LILRB5: variants seen among roughly 807,000 people sequenced by gnomAD.
The protein encoded by LILRB5 is leukocyte immunoglobulin-like receptor subfamily B member 5.
Under a neutral mutation model 68.4 loss-of-function variants are expected in LILRB5, and 61 were observed. The ratio of observed to expected loss-of-function variants is 0.89; its 90% CI spans 0.73 to 1.10. The LOEUF (loss-of-function observed/expected upper bound fraction) is 1.10, where lower values mean the gene tolerates loss of function less well. Ranked by LOEUF, LILRB5 falls within the 50% of genes least tolerant of loss-of-function variation. The pLI, the probability that LILRB5 is intolerant of heterozygous loss-of-function variation, is 0.00. For missense variants in LILRB5, 771 were observed against 751.6 expected (o/e 1.03, Z -0.30); for synonymous variants, 356 against 315.8 (o/e 1.13, Z -1.35).
chr19:54,257,243 G>A lies in LILRB5; in HGVS notation c.-50C>T. On this transcript the variant is annotated 5_prime_UTR_variant, in exon 1 of 13. Transcript: ENST00000449561. The stretch of plus-strand genomic sequence containing the variant: ...CTGTGCAGGCGGATGAGACCACGGT[G>A]CCTGGCAGGACACAAAAACACGCAG... The A allele has an allele frequency of 2.5e-6, 4 of 1,612,678 alleles. No individual in the cohort carries two copies. The highest frequency in any genetic ancestry group is 3.4e-6 in the Non-Finnish European group (4 of 1,178,792).
chr19:54,254,192 C>T, intron 7 of LILRB5, 124 bp from the exon 8 acceptor site: 1 of 1,498,262 alleles, frequency 6.7e-7, no homozygotes, highest in South Asian at 1.3e-5. Context: ...CGCCCCCTCA[C>T]CGGCCCAGCC....
At position 54,250,771 on chromosome 19, in the gene LILRB5, T is replaced by A; in HGVS notation, c.*15A>T. 1.9e-6 allele frequency: 3 copies of A among 1,614,026 alleles called. No homozygotes were observed. The highest frequency in any genetic ancestry group is 2.5e-6 in the Non-Finnish European group (3 of 1,179,972). ...GTCTCCTTCTGTTGAGTATGAGATC[T>A]GGGTCCCCCGTGGGCTAGTGGATGG... On this transcript the variant is annotated 3_prime_UTR_variant, in exon 13 of 13. Transcript: ENST00000449561.
chr19:54,253,140 A>G (rs2079016049), intron 8 of LILRB5, 153 bp from the exon 9 acceptor site: 1 of 327,980 alleles, frequency 3.0e-6, no homozygotes, highest in African/African-American at 2.2e-5. Flanking sequence ...CAGAGGAGCA[A>G]ACTGAGGCTC....
At chr19:54,255,686 C>T in intron 4 of LILRB5, 104 bp from the exon 5 acceptor site, 1 of 1,331,358 alleles carries the variant, frequency 7.5e-7, no homozygotes. Context: ...GTCTCTCACG[C>T]TCTGTGTCTC....
chr19:54,250,471 T>C lies in LILRB5; in HGVS notation c.*315A>G. Reference sequence around the variant, plus strand: ...TTCTAATTCATTCGCTCATTTGTAGTTTTCCGATTTCATCATTTAATGTGT... The same window carrying C: ...TTCTAATTCATTCGCTCATTTGTAGCTTTCCGATTTCATCATTTAATGTGT... On this transcript the variant is annotated 3_prime_UTR_variant, in exon 13 of 13. Coordinates refer to ENST00000449561, the MANE Select transcript of LILRB5 (RefSeq NM_001081442.3). 3.0e-6 allele frequency: 1 copy of C among 334,130 alleles called. No individual in the cohort carries two copies. The highest frequency in any genetic ancestry group is 5.4e-6 in the Non-Finnish European group (1 of 184,196). 20.7% of individuals were successfully genotyped at this position (334,130 alleles called of 1,614,324 possible).
Position 54,256,072 on chromosome 19 carries a change from G to T in LILRB5, c.626C>A (p.Pro209His). The change falls in exon 4 of 13, where the codon CCC becomes CAC. Residue 209 changes from proline (P) to histidine (H), a missense_variant. Physicochemically the swap from Pro to His is moderately conservative, Grantham distance 77 (BLOSUM62 -2). Transcript: ENST00000449561. ...YRKNPQVWSNPSDLLEILVPG... is the reference protein window; with the variant it reads ...YRKNPQVWSNHSDLLEILVPG... ...GACCAGAATCTCCAGGAGGTCACTG[G>T]GGTTCGACCACACCTGAGGGTTTTT... 1 of 1,556,978 alleles carries T rather than the reference G, an allele frequency of 6.4e-7. No homozygotes were observed. Among genetic ancestry groups the T allele is most frequent in the South Asian group, 1.2e-5 (1 of 83,288 alleles).
intron 7 of LILRB5, 32 bp from the exon 8 acceptor site, chr19:54,254,100 C>T: frequency 6.3e-7 from 1 of 1,580,444 alleles, no homozygotes; most frequent in South Asian, 1.2e-5. Context: ...AGGGCTGGGG[C>T]TGCCCTGCTC....
At chr19:54,254,227 C>G in intron 7 of LILRB5, 138 bp downstream of exon 7, 1 of 1,447,618 alleles carries the variant, frequency 6.9e-7, no homozygotes, top group Non-Finnish European at 9.3e-7. Flanking sequence ...AGCCTGTGGC[C>G]CCTCCTCTGG....
Position 54,252,318 on chromosome 19 carries a change from T to C in LILRB5, c.1576+48A>G, listed in dbSNP as rs113466981. 4,186 of 1,600,688 alleles carry C rather than the reference T, an allele frequency of 2.6e-3. 12 individuals are homozygous for C. The highest frequency in any genetic ancestry group is 5.7e-3 in the Middle Eastern group (31 of 5,466). ...CCTGCCCCCATTGCTACAGAAACTT[T>C]GGTGCTCCCTTGCCCACCCCAGGTG... On this transcript the variant is annotated intron_variant, in intron 11 of 12. Transcript: ENST00000449561.
rs1241615229 is a variant in LILRB5, at chr19:54,254,825, G to A, written c.1165C>T (p.Gln389Ter). 1 of 1,614,038 alleles carries A rather than the reference G, an allele frequency of 6.2e-7. No individual in the cohort carries two copies. The highest frequency in any genetic ancestry group is 8.5e-7 in the Non-Finnish European group (1 of 1,180,016). Residue 389 changes from glutamine to a stop codon, truncating the protein, a stop_gained, in exon 6 of 13, where the codon CAG (glutamine) becomes TAG (stop). Coordinates refer to ENST00000449561, the MANE Select transcript of LILRB5 (RefSeq NM_001081442.3). LOFTEE classifies it high-confidence loss of function. ...CTGTAGCATCGGTAGGTTCCACCCT[G>A]GGCTGAGGTCACAGGACTCATGGAG... ...EFSMSPVTSA[Q>*]GGTYRCYSAI...
In LILRB5 at chr19:54,250,868, C is replaced by T. The variant is rs374184163; in HGVS notation, c.1694G>A (p.Arg565Gln). The stretch of plus-strand genomic sequence containing the variant: ...GGATGGAGGAGGCTCAGTTGCCTCC[C>T]GTCTGAGGGTCAAGCTGTGCAGCTG... ...YAQLHSLTLR[R>Q]EATEPPPSQE... Residue 565 changes from arginine (R) to glutamine (Q), a missense_variant, in exon 13 of 13, where the codon CGG (arginine) becomes CAG (glutamine). Physicochemically the swap from Arg to Gln is conservative, Grantham distance 43. Coordinates refer to ENST00000449561, the MANE Select transcript of LILRB5 (RefSeq NM_001081442.3). 3.7e-5 allele frequency: 60 copies of T among 1,612,036 alleles called. No individual in the cohort carries two copies. The highest frequency in any genetic ancestry group is 2.2e-4 in the South Asian group (20 of 91,022).
intron 8 of LILRB5, 191 bp downstream of exon 8, chr19:54,253,827 G>A: frequency 6.7e-7 from 1 of 1,482,198 alleles, no homozygotes; most frequent in South Asian, 1.3e-5. Context: ...ACTGCTGCCG[G>A]TGGGACAGGA....
At chr19:54,253,061 G>C (rs2079013734) in intron 8 of LILRB5, 74 bp from the exon 9 acceptor site, 1 of 946,216 alleles carries the variant, frequency 1.1e-6, no homozygotes, top group Non-Finnish European at 1.5e-6. Context: ...GCGCGAGCTA[G>C]GTCTTTCCTT....
Position 54,250,942 on chromosome 19 carries a change from G to T in LILRB5, c.1630-10C>A. Reference sequence around the variant, plus strand: ...CTTCAGATGCAGCAGCCTGCAGCGGGGGAGAGTGAGAGGGAAGGAACGTGG... The same window carrying T: ...CTTCAGATGCAGCAGCCTGCAGCGGTGGAGAGTGAGAGGGAAGGAACGTGG... On this transcript the variant is annotated splice_polypyrimidine_tract_variant and intron_variant, in intron 12 of 12. Coordinates refer to ENST00000449561, the MANE Select transcript of LILRB5 (RefSeq NM_001081442.3). 2 of 1,600,538 alleles carry T rather than the reference G, an allele frequency of 1.2e-6. No homozygotes were observed. Among genetic ancestry groups the T allele is most frequent in the Non-Finnish European group, 1.7e-6 (2 of 1,173,860 alleles).
In LILRB5 at chr19:54,255,362, C is replaced by T. The variant is rs1387706322; in HGVS notation, c.876G>A (p.Gln292=). The T allele has an allele frequency of 4.3e-6, 7 of 1,613,984 alleles. No homozygotes were observed. In the East Asian group the frequency reaches 6.7e-5, roughly 15 times the overall value. ...LGPVSRSHGG[Q]YRCYGAHNLS... ...GGTTGTGTGCACCGTAGCATCTGTA[C>T]TGGCCCCCGTGGGAGCGGCTCACAG... Residue 292 remains glutamine (Q), a synonymous_variant, in exon 5 of 13, where the codon CAG becomes CAA. Coordinates refer to ENST00000449561, the MANE Select transcript of LILRB5 (RefSeq NM_001081442.3).
rs1337501868 is a variant in LILRB5, at chr19:54,252,405, T to C, written c.1539-2A>G. The C allele has an allele frequency of 1.2e-6, 2 of 1,614,030 alleles. No homozygotes were observed. The highest frequency in any genetic ancestry group is 1.7e-6 in the Non-Finnish European group (2 of 1,179,996). ...TGGATGTCAGCAACTGGGCTGGCCC[T>C]GGGGGAGGACACGGGAGTGTGAGGG... is the stretch of plus-strand genomic sequence containing the variant. On this transcript the variant is annotated splice_acceptor_variant, in intron 10 of 12. Coordinates refer to ENST00000449561, the MANE Select transcript of LILRB5 (RefSeq NM_001081442.3). LOFTEE classifies it high-confidence loss of function.
At position 54,256,624 on chromosome 19, in the gene LILRB5, G is replaced by T. The variant is rs530931985; in HGVS notation, c.220C>A (p.Pro74Thr). The change falls in exon 3 of 13, where the codon CCA (proline) becomes ACA (threonine). Residue 74 changes from proline to threonine, a missense_variant. Physicochemically the swap from Pro to Thr is conservative, Grantham distance 38 (BLOSUM62 -1). Coordinates refer to ENST00000449561, the MANE Select transcript of LILRB5 (RefSeq NM_001081442.3). Reference protein sequence around the residue: ...GLPWARKRQNPLEPGAKAKFH... With the variant: ...GLPWARKRQNTLEPGAKAKFH... ...TTGGCCTTGGCTCCAGGCTCCAGTG[G>T]GTTCTGTCTCTTCCGGGCCCATGGG... 6.2e-7 allele frequency: 1 copy of T among 1,614,084 alleles called. No homozygotes were observed. Among genetic ancestry groups the T allele is most frequent in the Non-Finnish European group, 8.5e-7 (1 of 1,179,982 alleles).
intron 8 of LILRB5, 176 bp downstream of exon 8, chr19:54,253,842 C>G (rs2079033834): frequency 3.3e-6 from 5 of 1,495,310 alleles, no homozygotes; most frequent in Non-Finnish European, 3.6e-6. Flanking sequence ...ACAGGACAGT[C>G]CCCTGAAGAA....
At position 54,255,603 on chromosome 19, in the gene LILRB5, G is replaced by A. The variant is rs748945461; in HGVS notation, c.656-21C>T. 1.9e-6 allele frequency: 3 copies of A among 1,605,254 alleles called. 1 individual carries two copies. In the South Asian group the frequency reaches 3.3e-5, roughly 18 times the overall value. On this transcript the variant is annotated intron_variant, in intron 4 of 12. Coordinates refer to ENST00000449561, the MANE Select transcript of LILRB5 (RefSeq NM_001081442.3). ...CACGCCTGGAGGGAAAGAGGAATTG[G>A]GACTTGGAAGGCTGGTTCCTCCCCC...
Sources: gnomAD v4.1 joint callset for allele counts on GRCh38, gnomAD v4.1.1 for gene constraint, MANE v1.5 for transcripts, NCBI Gene and HGNC (gene_info 2026-07-23, HGNC 2026-07-21) for gene names.